ANK1: variants seen among roughly 807,000 people sequenced by gnomAD.
ANK1 encodes the protein ankyrin 1, also known as ankyrin-1.
A neutral mutation model predicts 210.4 loss-of-function variants in ANK1; 51 were observed. That is an observed-to-expected ratio of 0.24 (90% CI 0.19 to 0.31). The LOEUF is 0.31. Among genes scored for constraint, ANK1 ranks in the 10% least tolerant of loss-of-function variants. ANK1 has a pLI of 1.00. For synonymous variants in ANK1, 967 were observed against 1,025.9 expected, an observed-to-expected ratio of 0.94 and a Z score of 1.10; for missense variants, 2,051 against 2,504.4, an observed-to-expected ratio of 0.82 and a Z score of 3.86.
intron 1 of ANK1, among the ~76,000 whole-genome samples, chr8:41,855,121 C>T (rs1811959875): frequency 6.6e-6 from 1 of 152,200 alleles, no homozygotes; most frequent in Admixed American, 6.5e-5. Flanking sequence ...GTATTCCCAA[C>T]TGCAGTGTCA....
chr8:41,703,450 A>ATATTTTTTTTTT (rs59985416), intron 20 of ANK1, among the ~76,000 whole-genome samples: 11 of 58,816 alleles, frequency 1.9e-4, no homozygotes, highest in African/African-American at 8.1e-4. Flanking sequence ...ATATATATAT[A>ATATTTTTTTTTT]TTTTTTTTTT....
intron 1 of ANK1, among the ~76,000 whole-genome samples, chr8:41,894,964 T>C (rs1240651622): frequency 2.0e-5 from 3 of 152,222 alleles, no homozygotes; most frequent in East Asian, 3.9e-4. Context: ...ACACACAAGA[T>C]GGCAATCCCT....
At chr8:41,781,451 G>A (rs1220178042) in intron 1 of ANK1, among the ~76,000 whole-genome samples, 1 of 152,228 alleles carries the variant, frequency 6.6e-6, no homozygotes, top group Non-Finnish European at 1.5e-5. Context: ...CACGGTGCCT[G>A]CTGCGTGGGT....
At chr8:41,782,375 A>AGCT (rs993566564) in intron 1 of ANK1, among the ~76,000 whole-genome samples, 3 of 152,168 alleles carry the variant, frequency 2.0e-5, no homozygotes, top group African/African-American at 7.2e-5. Flanking sequence ...GGGAGAGTAA[A>AGCT]GCTGCTCTCC....
At chr8:41,669,271 C>G (rs2150557867) in intron 38 of ANK1, among the ~76,000 whole-genome samples, 1 of 152,060 alleles carries the variant, frequency 6.6e-6, no homozygotes, top group South Asian at 2.1e-4. Context: ...CAGCTGTGTG[C>G]ACCCCGCTGC....
intron 27 of ANK1, 126 bp downstream of exon 27, chr8:41,695,051 C>A: frequency 7.4e-7 from 1 of 1,346,734 alleles, no homozygotes; most frequent in Non-Finnish European, 1.1e-6. Flanking sequence ...CTTGTCCACA[C>A]CAGGCCATTC....
chr8:41,690,679 C>G (rs1453371324), intron 31 of ANK1, 80 bp from the exon 32 acceptor site: 16 of 1,551,790 alleles, frequency 1.0e-5, no homozygotes, highest in East Asian at 2.2e-5. Flanking sequence ...CGGTCCTTCC[C>G]TCTCCAAGAC....
rs114510194 is a variant in ANK1 at position 41,796,297 on chromosome 8, G to C, written c.27+1215C>G. ...GCTAATTTTACCCATTTTTTCCATC[G>C]GCCATTCCTTATTCCTGCAAAACAC... is the stretch of plus-strand genomic sequence containing the variant. On this transcript the variant is annotated intron_variant, in intron 1 of 42. Transcript: ENST00000289734. 3.5e-3 allele frequency among the ~76,000 whole-genome samples: 537 copies of C among 151,970 alleles called. 2 individuals carry two copies. Among genetic ancestry groups the C allele is most frequent in the African/African-American group, 0.011 (468 of 41,474 alleles).
At chr8:41,742,780 C>T (rs1159331130) in intron 2 of ANK1, among the ~76,000 whole-genome samples, 1 of 152,064 alleles carries the variant, frequency 6.6e-6, no homozygotes, top group Non-Finnish European at 1.5e-5. Context: ...AGTCTGAGGA[C>T]CCCAGAGTGA....
At chr8:41,893,551 C>T (rs1819855378) in intron 1 of ANK1, among the ~76,000 whole-genome samples, 2 of 152,216 alleles carry the variant, frequency 1.3e-5, no homozygotes, top group African/African-American at 4.8e-5. Context: ...GTAAAAACTG[C>T]AACCATCGCC....
chr8:41,655,487 T>C lies in ANK1; in HGVS notation c.*303A>G. The C allele has an allele frequency of 3.8e-6, 2 of 523,206 alleles. No individual in the cohort carries two copies. The allele number at this position is 523,206 out of a possible 1,614,324, so 32.4% of individuals were successfully genotyped here. Reference sequence around the variant, plus strand: ...CAGGCTCTCCTGCGCTTGTTTTCTATCCCTCTCTCTCCCCGCTTCTTGCTG... The same window carrying C: ...CAGGCTCTCCTGCGCTTGTTTTCTACCCCTCTCTCTCCCCGCTTCTTGCTG... On this transcript the variant is annotated 3_prime_UTR_variant, in exon 43 of 43. Coordinates refer to ENST00000289734, the MANE Select transcript of ANK1 (RefSeq NM_000037.4).
intron 1 of ANK1, among the ~76,000 whole-genome samples, chr8:41,835,983 C>T (rs552104240): frequency 1.3e-5 from 2 of 152,146 alleles, no homozygotes; most frequent in Non-Finnish European, 2.9e-5. Flanking sequence ...GCAGGGTAGC[C>T]GGAAGGACCA....
intron 1 of ANK1, among the ~76,000 whole-genome samples, chr8:41,848,289 C>T (rs1437036950): frequency 6.6e-6 from 1 of 152,150 alleles, no homozygotes; most frequent in African/African-American, 2.4e-5. Context: ...GCATAAAACA[C>T]CCAGTGATTT....
chr8:41,693,080 C>T (rs1404515689), intron 30 of ANK1, 25 bp downstream of exon 30: 3 of 1,577,092 alleles, frequency 1.9e-6, no homozygotes, highest in East Asian at 4.5e-5. Context: ...CCACACAATA[C>T]TGGGCTGGGC....
At chr8:41,822,167 AAAGAAAGAAAGAAAGAAAG>A (rs1397916198) in intron 1 of ANK1, among the ~76,000 whole-genome samples, 1 of 146,076 alleles carries the variant, frequency 6.8e-6, no homozygotes, top group African/African-American at 2.5e-5. Flanking sequence ...AGAAAGAAAG[AAAGAAAGAAAGAAAGAAAG>A]AAGGAAAGAA....
intron 2 of ANK1, among the ~76,000 whole-genome samples, chr8:41,749,869 C>T (rs1167651381): frequency 5.9e-5 from 9 of 152,346 alleles, no homozygotes; most frequent in Middle Eastern, 3.4e-3. Flanking sequence ...GCCTCGGCTT[C>T]CCAAAGTGCT....
chr8:41,775,879 C>T (rs1453412161), intron 1 of ANK1, among the ~76,000 whole-genome samples: 1 of 152,108 alleles, frequency 6.6e-6, no homozygotes, highest in East Asian at 1.9e-4. Context: ...AGAGTGAGAC[C>T]TTATTTCTAA....
chr8:41,706,070 C>T, intron 18 of ANK1, 73 bp downstream of exon 18: 1 of 1,448,524 alleles, frequency 6.9e-7, no homozygotes, highest in African/African-American at 1.4e-5. Flanking sequence ...GGTTTCAAAG[C>T]TCTGTGGAAG....
At chr8:41,669,572 G>T (rs1811591201) in intron 38 of ANK1, among the ~76,000 whole-genome samples, 1 of 152,090 alleles carries the variant, frequency 6.6e-6, no homozygotes, top group South Asian at 2.1e-4. Flanking sequence ...TTCTCCCCTA[G>T]CCTGTCCCAC....
Sources: allele counts gnomAD v4.1 joint callset (sites outside exome capture counted in the v4.1 genomes callset), GRCh38; gene constraint gnomAD v4.1.1; transcripts MANE v1.5; gene names NCBI Gene and HGNC (gene_info 2026-07-23, HGNC 2026-07-21).